The following SRGAP3 variants were observed in gnomAD, a reference collection of about 807,000 sequenced individuals.
The protein encoded by SRGAP3 is SLIT-ROBO Rho GTPase activating protein 3.
Under a neutral mutation model 121.1 loss-of-function variants are expected in SRGAP3, and 39 were observed. That is an observed-to-expected ratio of 0.32 (90% CI 0.25 to 0.42). The LOEUF (loss-of-function observed/expected upper bound fraction) is 0.42. Ranked by LOEUF, SRGAP3 falls within the 10% of genes least tolerant of loss-of-function variation. SRGAP3 has a pLI of 1.00. For synonymous variants in SRGAP3, 601 were observed against 570.0 expected (o/e 1.05, Z -0.77); for missense variants, 1,213 against 1,470.6 (o/e 0.82, Z 2.86).
In SRGAP3 at chr3:9,006,427, A is replaced by C. The variant is rs536326849; in HGVS notation, c.2227+3881T>G. On this transcript the variant is annotated intron_variant, in intron 18 of 21. Transcript: ENST00000383836. Reference sequence around the variant, plus strand: ...AAAAAAAAAAAAAGAAAAGAAAAGGAGTGGCTATGACTCCACAACTGGGGT... The same window carrying C: ...AAAAAAAAAAAAAGAAAAGAAAAGGCGTGGCTATGACTCCACAACTGGGGT... Among the ~76,000 whole-genome samples the C allele has an allele frequency of 2.0e-5, 3 of 150,548 alleles. No individual in the cohort carries two copies. The South Asian group carries it at 6.3e-4, about 32-fold the overall frequency.
chr3:9,009,902 C>A (rs116934789), intron 18 of SRGAP3, among the ~76,000 whole-genome samples: 1 of 152,176 alleles, frequency 6.6e-6, no homozygotes, highest in Non-Finnish European at 1.5e-5. Flanking sequence ...CCTCAAGGAC[C>A]GACGTCTTGT....
At chr3:9,117,689 G>A (rs1041151603) in intron 2 of SRGAP3, among the ~76,000 whole-genome samples, 1 of 152,180 alleles carries the variant, frequency 6.6e-6, no homozygotes, top group African/African-American at 2.4e-5. Flanking sequence ...TAGAATAGAA[G>A]GGGACTCTGT....
At chr3:9,117,017 G>A (rs1432395477) in intron 2 of SRGAP3, among the ~76,000 whole-genome samples, 2 of 152,176 alleles carry the variant, frequency 1.3e-5, no homozygotes, top group African/African-American at 4.8e-5. Flanking sequence ...CACAGCACAG[G>A]CACCAAACAA....
At chr3:9,181,238 G>A (rs1352853669) in intron 1 of SRGAP3, among the ~76,000 whole-genome samples, 5 of 152,208 alleles carry the variant, frequency 3.3e-5, no homozygotes, top group Non-Finnish European at 7.3e-5. Flanking sequence ...AAAGACTCAA[G>A]AAGGTAAACT....
chr3:9,174,564 C>T (rs1250119449), intron 1 of SRGAP3, among the ~76,000 whole-genome samples: 1 of 152,202 alleles, frequency 6.6e-6, no homozygotes, highest in Non-Finnish European at 1.5e-5. Flanking sequence ...ATGGCAGGTG[C>T]TGCACTGAAG....
rs149169934 is a variant in SRGAP3 at position 9,106,851 on chromosome 3, C to T, written c.261-2009G>A. Among the ~76,000 whole-genome samples the T allele has an allele frequency of 1.0e-3, 155 of 152,034 alleles. 2 individuals carry two copies. Among genetic ancestry groups the T allele is most frequent in the Middle Eastern group, 3.4e-3 (1 of 294 alleles). On this transcript the variant is annotated intron_variant, in intron 2 of 21. Coordinates refer to ENST00000383836, the MANE Select transcript of SRGAP3 (RefSeq NM_014850.4). Reference sequence around the variant, plus strand: ...CTAATACAGCAATTCTGCTGACTCCCACTATGACCACATCCACCTCCCCAA... The same window carrying T: ...CTAATACAGCAATTCTGCTGACTCCTACTATGACCACATCCACCTCCCCAA...
At chr3:9,000,116 T>A (rs1048465415) in intron 18 of SRGAP3, among the ~76,000 whole-genome samples, 1 of 152,202 alleles carries the variant, frequency 6.6e-6, no homozygotes, top group Admixed American at 6.5e-5. Flanking sequence ...TACCATCTTC[T>A]AGTCACAGGG....
At chr3:9,098,938 G>A (rs73015495) in intron 3 of SRGAP3, among the ~76,000 whole-genome samples, 7,614 of 152,180 alleles carry the variant, frequency 0.05, 283 homozygotes, top group Non-Finnish European at 0.079. Flanking sequence ...GGCTGAAGGC[G>A]CCTCATCCCT....
chr3:9,263,402 C>A (rs1954291486), intron 3 of SRGAP3, among the ~76,000 whole-genome samples: 2 of 148,226 alleles, frequency 1.3e-5, no homozygotes, highest in South Asian at 4.4e-4. Context: ...ACATGAAAAA[C>A]CCTTCAAAAA....
At chr3:9,350,156 A>G (rs2030041954) in intron 1 of SRGAP3, 1 of 152,202 alleles carries the variant, frequency 6.6e-6, no homozygotes, top group South Asian at 2.1e-4. Flanking sequence ...CATCTACTCT[A>G]TGTCAGACAC....
intron 3 of SRGAP3, among the ~76,000 whole-genome samples, chr3:9,273,760 G>A (rs766523375): frequency 6.7e-6 from 1 of 149,918 alleles, no homozygotes; most frequent in Non-Finnish European, 1.5e-5. Flanking sequence ...GTTAATTTTT[G>A]TATATAGTGT....
rs192337005 is a variant in SRGAP3, at chr3:9,046,861, C to G, written c.1408+530G>C. ...CTTTTTTTTTTTGGAGATGGAGTCT[C>G]GCTCTGTCGCCCAGGCTGGAGTGCA... On this transcript the variant is annotated intron_variant, in intron 10 of 21. Coordinates refer to ENST00000383836, the MANE Select transcript of SRGAP3 (RefSeq NM_014850.4). Among the ~76,000 whole-genome samples, 4 of 150,726 alleles carry G rather than the reference C, an allele frequency of 2.7e-5. No homozygotes were observed. In the East Asian group the frequency reaches 7.8e-4, roughly 29 times the overall value.
At chr3:9,216,474 C>G (rs1453381581) in intron 1 of SRGAP3, among the ~76,000 whole-genome samples, 1 of 148,630 alleles carries the variant, frequency 6.7e-6, no homozygotes, top group African/African-American at 2.5e-5. Flanking sequence ...TTTCTCTGAA[C>G]CGTCTCCCAC....
At chr3:9,316,148 A>T (rs1955341815) in intron 3 of SRGAP3, among the ~76,000 whole-genome samples, 1 of 152,004 alleles carries the variant, frequency 6.6e-6, no homozygotes, top group Non-Finnish European at 1.5e-5. Flanking sequence ...TCTTGGATTC[A>T]AGAGGTTCTT....
rs182586437 is a variant in SRGAP3, at chr3:9,341,265, G to A, written n.215-10669C>T. 5.5e-4 allele frequency among the ~76,000 whole-genome samples: 82 copies of A among 149,736 alleles called. 1 individual carries two copies. In the East Asian group the frequency reaches 0.014, roughly 25 times the overall value. ...CCATAGCAGTGGGCTAGAGAGAGCA[G>A]CACGATGTGGACACTGAAGGTTCCT... On this transcript the variant is annotated intron_variant and non_coding_transcript_variant, in intron 1 of 3. Coordinates refer to the SRGAP3 transcript ENST00000490889.
At chr3:9,349,190 T>TA in intron 1 of SRGAP3, 1 of 705,110 alleles carries the variant, frequency 1.4e-6, no homozygotes, top group East Asian at 3.1e-5. Flanking sequence ...GGCCAAGAAG[T>TA]AAAGGCCAGC....
intron 4 of SRGAP3, among the ~76,000 whole-genome samples, chr3:9,064,791 T>TCAA (rs1286036198): frequency 6.6e-6 from 1 of 151,744 alleles, no homozygotes; most frequent in African/African-American, 2.4e-5. Flanking sequence ...ACCATCATCA[T>TCAA]CAACAACAAC....
intron 3 of SRGAP3, among the ~76,000 whole-genome samples, chr3:9,302,674 T>C (rs1955083017): frequency 6.6e-6 from 1 of 152,204 alleles, no homozygotes; most frequent in African/African-American, 2.4e-5. Flanking sequence ...CTGCTGGCTG[T>C]AGAACGCCAG....
At chr3:8,990,320 AG>A (rs1399484084) in intron 21 of SRGAP3, among the ~76,000 whole-genome samples, 191 bp downstream of exon 21, 1 of 152,210 alleles carries the variant, frequency 6.6e-6, no homozygotes, top group Non-Finnish European at 1.5e-5. Flanking sequence ...GAACCCTAGC[AG>A]TGGCTGCTCC....
Sources: gnomAD v4.1 joint callset for allele counts (sites outside exome capture counted in the v4.1 genomes callset) on GRCh38, gnomAD v4.1.1 for gene constraint, MANE v1.5 for transcripts, NCBI Gene and HGNC (gene_info 2026-07-23, HGNC 2026-07-21) for gene names.